The following GNAL variants were observed in gnomAD, a reference collection of about 807,000 sequenced individuals.
GNAL encodes the protein guanine nucleotide-binding protein G(olf) subunit alpha.
In GNAL, 18 loss-of-function variants were observed where a neutral mutation model predicts 55.1. The observed-to-expected ratio is 0.33, with a 90% confidence interval of 0.23 to 0.48. The LOEUF is 0.48. Ranked by LOEUF, GNAL falls within the 20% of genes least tolerant of loss-of-function variation. The probability of loss-of-function intolerance (pLI) is 0.99; values close to 1 mark genes in which losing one functional copy is unlikely to be tolerated. For missense variants in GNAL, 412 were observed against 614.1 expected, an observed-to-expected ratio of 0.67 and a Z score of 3.48; for synonymous variants, 253 against 237.0, an observed-to-expected ratio of 1.07 and a Z score of -0.62.
intron 4 of GNAL, among the ~76,000 whole-genome samples, chr18:11,786,436 C>CCTTTTT (rs2034059621): frequency 3.3e-5 from 2 of 60,614 alleles, no homozygotes; most frequent in African/African-American, 1.4e-4. Flanking sequence ...CATACGTTTT[C>CCTTTTT]TTTTTTTTTT....
intron 4 of GNAL, among the ~76,000 whole-genome samples, chr18:11,795,390 C>CAAA (rs752221474): frequency 0.016 from 1,062 of 68,242 alleles, 18 homozygotes; most frequent in African/African-American, 0.047. Flanking sequence ...GACCCTGTCT[C>CAAA]AAAAAAAAAA....
At chr18:11,705,202 T>C (rs2143337092) in intron 1 of GNAL, among the ~76,000 whole-genome samples, 1 of 152,328 alleles carries the variant, frequency 6.6e-6, no homozygotes, top group East Asian at 1.9e-4. Context: ...AATGGAATCA[T>C]GCAGTATTTC....
At chr18:11,770,351 A>T (rs1254300360) in intron 4 of GNAL, among the ~76,000 whole-genome samples, 2 of 152,218 alleles carry the variant, frequency 1.3e-5, no homozygotes, top group Non-Finnish European at 2.9e-5. Flanking sequence ...GAAAAGAATG[A>T]TATTTTCATA....
intron 4 of GNAL, among the ~76,000 whole-genome samples, chr18:11,822,060 G>A (rs1485311910): frequency 1.3e-5 from 2 of 152,244 alleles, no homozygotes; most frequent in Non-Finnish European, 1.5e-5. Context: ...GAGGTCTTGT[G>A]CGTGCAGAGC....
intron 4 of GNAL, among the ~76,000 whole-genome samples, chr18:11,759,006 C>G (rs1387852680): frequency 3.3e-5 from 5 of 151,918 alleles, no homozygotes; most frequent in South Asian, 2.1e-4. Context: ...AACCCCGTCT[C>G]TACTAAAATT....
intron 4 of GNAL, among the ~76,000 whole-genome samples, chr18:11,812,951 A>G (rs935865746): frequency 3.9e-5 from 6 of 152,112 alleles, no homozygotes; most frequent in African/African-American, 9.7e-5. Context: ...CATTATTGAG[A>G]TAATTTAAAT....
chr18:11,851,262 G>C (rs1375782854), intron 5 of GNAL: 4 of 468,824 alleles, frequency 8.5e-6, no homozygotes, highest in African/African-American at 6.0e-5. Context: ...GCGCCGGAGC[G>C]TCCAGCCAGA....
chr18:11,861,561 A>G (rs1308371297), intron 5 of GNAL, among the ~76,000 whole-genome samples: 2 of 152,188 alleles, frequency 1.3e-5, no homozygotes, highest in East Asian at 3.9e-4. Context: ...ATCAACCAAG[A>G]GTCAGTGGGA....
At chr18:11,711,509 T>C (rs960533350) in intron 1 of GNAL, among the ~76,000 whole-genome samples, 5 of 152,204 alleles carry the variant, frequency 3.3e-5, no homozygotes, top group African/African-American at 4.8e-5. Context: ...CCTGTAGTGA[T>C]TATTTTCAGT....
intron 5 of GNAL, among the ~76,000 whole-genome samples, chr18:11,835,723 G>A (rs907412578): frequency 2.0e-5 from 3 of 152,178 alleles, no homozygotes; most frequent in African/African-American, 7.2e-5. Context: ...AGACGTGTGT[G>A]TCAGGTTTTA....
intron 1 of GNAL, among the ~76,000 whole-genome samples, chr18:11,749,125 CA>C (rs368135476): frequency 0.04 from 3,430 of 85,754 alleles, 60 homozygotes; most frequent in African/African-American, 0.088. Context: ...GACTCCATCT[CA>C]AAAAAAAAAA....
intron 11 of GNAL, among the ~76,000 whole-genome samples, chr18:11,877,068 T>A (rs1274537345): frequency 2.0e-5 from 3 of 152,244 alleles, no homozygotes; most frequent in Admixed American, 6.5e-5. Context: ...TAAAAATGGA[T>A]GTGCTCAAAT....
In GNAL at chr18:11,689,297, A is replaced by T; in HGVS notation, c.-267A>T. 3.4e-6 allele frequency: 1 copy of T among 297,704 alleles called. No individual in the cohort carries two copies. The highest frequency in any genetic ancestry group is 6.2e-6 in the Non-Finnish European group (1 of 161,458). 18.4% of individuals were successfully genotyped at this position (297,704 alleles called of 1,614,324 possible). A position where few individuals can be genotyped will look rare whatever the true frequency, so the allele number is the denominator to read the frequency against. On this transcript the variant is annotated 5_prime_UTR_variant, in exon 1 of 12. Coordinates refer to ENST00000334049, the MANE Select transcript of GNAL (RefSeq NM_182978.4). ...GGTCCGCTCTGGGCGTTAGCAAGTGATCTCCAGCCAAGGCGGCCGCCACCC... is the reference window on the plus strand; with the variant it reads ...GGTCCGCTCTGGGCGTTAGCAAGTGTTCTCCAGCCAAGGCGGCCGCCACCC...
chr18:11,689,660 G>C lies in GNAL; in HGVS notation c.97G>C (p.Ala33Pro). Residue 33 changes from alanine (A) to proline (P), a missense_variant, in exon 1 of 12, where the codon GCC (alanine) becomes CCC (proline). Transcript: ENST00000334049. Reference sequence around the variant, plus strand: ...GCCGCCGGTGGAGGACGCGCAGCCCGCCCCGGCCCCGGCCCTGGCCCCAGT... The same window carrying C: ...GCCGCCGGTGGAGGACGCGCAGCCCCCCCCGGCCCCGGCCCTGGCCCCAGT... ...SEPPVEDAQP[A>P]PAPALAPVRA... 7.1e-7 allele frequency: 1 copy of C among 1,412,034 alleles called. No individual in the cohort carries two copies. Among genetic ancestry groups the C allele is most frequent in the Non-Finnish European group, 9.2e-7 (1 of 1,090,022 alleles). 87.5% of individuals were successfully genotyped at this position (1,412,034 alleles called of 1,614,324 possible). A position where few individuals can be genotyped will look rare whatever the true frequency, so the allele number is the denominator to read the frequency against.
chr18:11,741,000 A>G (rs951650703), intron 1 of GNAL, among the ~76,000 whole-genome samples: 1 of 152,246 alleles, frequency 6.6e-6, no homozygotes, highest in Non-Finnish European at 1.5e-5. Flanking sequence ...AGACAATTCG[A>G]TATTCTATTA....
chr18:11,851,962 A>G (rs1374586589), intron 5 of GNAL: 1 of 1,613,968 alleles, frequency 6.2e-7, no homozygotes, highest in Non-Finnish European at 8.5e-7. Flanking sequence ...CCAAGTGGAT[A>G]TGCTGCTCCA....
intron 1 of GNAL, among the ~76,000 whole-genome samples, chr18:11,749,804 C>G (rs981278420): frequency 2.6e-5 from 4 of 152,116 alleles, no homozygotes; most frequent in Non-Finnish European, 5.9e-5. Flanking sequence ...AAAAGAGAGT[C>G]CCCAGGTATT....
chr18:11,848,559 C>A (rs982659365), intron 5 of GNAL, among the ~76,000 whole-genome samples: 2 of 151,416 alleles, frequency 1.3e-5, no homozygotes, highest in Non-Finnish European at 2.9e-5. Context: ...CCAGTTCAAG[C>A]GATTCTCCTG....
At chr18:11,702,622 G>A (rs2031599839) in intron 1 of GNAL, among the ~76,000 whole-genome samples, 1 of 152,168 alleles carries the variant, frequency 6.6e-6, no homozygotes, top group Non-Finnish European at 1.5e-5. Context: ...TCTACAAACT[G>A]GAGCTGTCTC....
Sources: gnomAD v4.1 joint callset for allele counts (sites outside exome capture counted in the v4.1 genomes callset) on GRCh38, gnomAD v4.1.1 for gene constraint, MANE v1.5 for transcripts, NCBI Gene and HGNC (gene_info 2026-07-23, HGNC 2026-07-21) for gene names.